The following EXOC4 variants were observed in gnomAD, a reference collection of about 807,000 sequenced individuals.
EXOC4 encodes the protein exocyst complex component 4.
A neutral mutation model predicts 107.2 loss-of-function variants in EXOC4; 71 were observed. That is an observed-to-expected ratio of 0.66 (90% CI 0.55 to 0.81). The LOEUF (loss-of-function observed/expected upper bound fraction) is 0.81, where lower values mean the gene tolerates loss of function less well. EXOC4 is among the 30% of genes least tolerant of loss of function. The pLI is 0.00. For missense variants in EXOC4, 1,108 were observed against 1,189.6 expected (o/e 0.93, Z 1.01); for synonymous variants, 456 against 441.2 (o/e 1.03, Z -0.42).
At position 133,629,979 on chromosome 7, in the gene EXOC4, T is replaced by C. The variant is rs996290273; in HGVS notation, c.1418-66T>C. The C allele has an allele frequency of 1.1e-5, 13 of 1,158,006 alleles. 1 individual carries two copies. The South Asian group carries it at 1.5e-4, about 13-fold the overall frequency. 71.7% of individuals were successfully genotyped at this position (1,158,006 alleles called of 1,614,324 possible). A position where few individuals can be genotyped will look rare whatever the true frequency, so the allele number is the denominator to read the frequency against. On this transcript the variant is annotated intron_variant, in intron 9 of 17. Transcript: ENST00000253861. ...TGACAGTATAGGACTCATCTAGATATGCTTGGTTTGTTTATTTATAAAAGT... is the reference window on the plus strand; with the variant it reads ...TGACAGTATAGGACTCATCTAGATACGCTTGGTTTGTTTATTTATAAAAGT...
At chr7:134,087,009 A>G in the EXOC4 span, among the ~76,000 whole-genome samples, 5,629 of 152,234 alleles carry the variant, frequency 0.037, 325 homozygotes, top group African/African-American at 0.12. Context: ...GATTTTAGCC[A>G]GCTTCTTTAC....
intron 14 of EXOC4, among the ~76,000 whole-genome samples, chr7:133,988,774 G>A (rs2116221498): frequency 6.6e-6 from 1 of 152,256 alleles, no homozygotes; most frequent in South Asian, 2.1e-4. Context: ...AAATCAAACG[G>A]CCCAGGGTTG....
chr7:133,546,990 T>C (rs889071983), intron 9 of EXOC4, among the ~76,000 whole-genome samples: 8 of 152,188 alleles, frequency 5.3e-5, no homozygotes, highest in Non-Finnish European at 8.8e-5. Flanking sequence ...AAAAATTCCT[T>C]ATTTGACACT....
intron 9 of EXOC4, among the ~76,000 whole-genome samples, chr7:133,538,754 C>G (rs1055427015): frequency 1.3e-4 from 20 of 151,932 alleles, no homozygotes; most frequent in Non-Finnish European, 2.4e-4. Context: ...TTATTTGACC[C>G]CAGGAGTTAG....
At chr7:133,354,864 G>A (rs1477778662) in intron 5 of EXOC4, among the ~76,000 whole-genome samples, 2 of 152,268 alleles carry the variant, frequency 1.3e-5, no homozygotes, top group Admixed American at 1.3e-4. Flanking sequence ...GAAGTTGCAA[G>A]CCTTCCATAG....
intron 11 of EXOC4, among the ~76,000 whole-genome samples, chr7:133,852,927 A>G (rs1199913398): frequency 6.6e-6 from 1 of 151,950 alleles, no homozygotes; most frequent in Admixed American, 6.5e-5. Context: ...AACAAAAAAC[A>G]AAACAATAAA....
In EXOC4 at chr7:133,672,229, A is replaced by G. The variant is rs368642659; in HGVS notation, c.1514+42088A>G. 1.3e-3 allele frequency among the ~76,000 whole-genome samples: 195 copies of G among 152,086 alleles called. 2 individuals carry two copies. Among genetic ancestry groups the G allele is most frequent in the African/African-American group, 4.5e-3 (185 of 41,500 alleles). ...ACATGGTGAAACCCCGTCTCTACTA[A>G]AAATACAAAAAATTAGCCGGGCGTG... On this transcript the variant is annotated intron_variant, in intron 10 of 17. Coordinates refer to ENST00000253861, the MANE Select transcript of EXOC4 (RefSeq NM_021807.4).
chr7:133,661,672 T>TAAAAAAAAAAA (rs1177627198), intron 10 of EXOC4, among the ~76,000 whole-genome samples: 1 of 13,432 alleles, frequency 7.4e-5, no homozygotes, highest in Non-Finnish European at 1.5e-4. Flanking sequence ...TCCTTAAAAC[T>TAAAAAAAAAAA]AAAAAAAAAA....
intron 10 of EXOC4, among the ~76,000 whole-genome samples, chr7:133,802,641 C>T (rs1213848335): frequency 2.0e-5 from 3 of 151,634 alleles, no homozygotes; most frequent in Admixed American, 6.6e-5. Context: ...GGCGGATCAC[C>T]CAAGTTCAGG....
intron 2 of EXOC4, among the ~76,000 whole-genome samples, chr7:133,288,535 G>T (rs979436477): frequency 6.6e-6 from 1 of 152,198 alleles, no homozygotes; most frequent in Non-Finnish European, 1.5e-5. Flanking sequence ...CTATCAGCTG[G>T]ATAGGAAATT....
chr7:133,399,408 C>A (rs1797040767), intron 7 of EXOC4, among the ~76,000 whole-genome samples: 1 of 152,136 alleles, frequency 6.6e-6, no homozygotes, highest in Non-Finnish European at 1.5e-5. Flanking sequence ...CAGGGAACAA[C>A]ACAGTACCAG....
At chr7:133,299,897 A>G (rs550679075) in intron 3 of EXOC4, among the ~76,000 whole-genome samples, 34 of 152,252 alleles carry the variant, frequency 2.2e-4, no homozygotes, top group African/African-American at 7.5e-4. Context: ...TAATGCACCA[A>G]CAAGCACTGA....
intron 10 of EXOC4, among the ~76,000 whole-genome samples, chr7:133,791,341 C>A (rs985429069): frequency 7.2e-5 from 11 of 152,130 alleles, no homozygotes; most frequent in African/African-American, 2.7e-4. Context: ...GGAGTTATAT[C>A]AACTCAAAGT....
intron 5 of EXOC4, among the ~76,000 whole-genome samples, chr7:133,342,107 T>TTTC (rs1249079907): frequency 1.3e-5 from 2 of 152,178 alleles, no homozygotes; most frequent in Non-Finnish European, 2.9e-5. Context: ...GGTTTTTTTT[T>TTTC]TTCATTGTGT....
intron 7 of EXOC4, among the ~76,000 whole-genome samples, chr7:133,438,296 C>T (rs1474911832): frequency 6.6e-6 from 1 of 152,130 alleles, no homozygotes; most frequent in Non-Finnish European, 1.5e-5. Context: ...TATCCCAGGG[C>T]TCCTCAGAGT....
chr7:133,935,562 C>T (rs1462560639), intron 13 of EXOC4, among the ~76,000 whole-genome samples: 2 of 152,130 alleles, frequency 1.3e-5, no homozygotes, highest in Non-Finnish European at 2.9e-5. Flanking sequence ...AAAACTAGCC[C>T]TTGATATGTA....
intron 7 of EXOC4, among the ~76,000 whole-genome samples, chr7:133,383,875 A>G (rs1796670917): frequency 6.6e-6 from 1 of 152,180 alleles, no homozygotes; most frequent in Non-Finnish European, 1.5e-5. Context: ...GTTGTTGGCC[A>G]GGCCATTGAA....
intron 9 of EXOC4, among the ~76,000 whole-genome samples, chr7:133,489,673 T>C (rs1391337041): frequency 6.6e-6 from 1 of 152,214 alleles, no homozygotes; most frequent in Non-Finnish European, 1.5e-5. Context: ...GGACTTTCTG[T>C]TTATTTGTTA....
At chr7:133,730,991 G>C (rs1438071075) in intron 10 of EXOC4, among the ~76,000 whole-genome samples, 2 of 152,080 alleles carry the variant, frequency 1.3e-5, no homozygotes, top group African/African-American at 4.8e-5. Context: ...TCTTCAAATG[G>C]AAGATAGGAT....
Sources: gnomAD v4.1 joint callset for allele counts (sites outside exome capture counted in the v4.1 genomes callset) on GRCh38, gnomAD v4.1.1 for gene constraint, MANE v1.5 for transcripts, NCBI Gene and HGNC (gene_info 2026-07-23, HGNC 2026-07-21) for gene names.